The following NKPD1 variants were observed in gnomAD, a reference collection of about 807,000 sequenced individuals.
NKPD1 encodes NTPase KAP family P-loop domain containing 1.
In NKPD1, 37 loss-of-function variants were observed where a neutral mutation model predicts 42.2. The ratio of observed to expected loss-of-function variants is 0.88; its 90% CI spans 0.67 to 1.15. NKPD1 has a LOEUF of 1.15. Among genes scored for constraint, NKPD1 ranks in the 50% most tolerant of loss-of-function variants. The pLI, the probability that NKPD1 is intolerant of heterozygous loss-of-function variation, is 0.00. For synonymous variants in NKPD1, 552 were observed against 536.5 expected (o/e 1.03, Z -0.40); for missense variants, 1,113 against 1,174.6 (o/e 0.95, Z 0.77).
At position 45,158,803 on chromosome 19, in the gene NKPD1, G is replaced by A. The variant is rs376953735; in HGVS notation, c.389C>T (p.Pro130Leu). ...CCTGGCCATGGCTGGTGCCGTGGTGGGTAAGGTGGGCGCCTGAGGGGCGCT... is the reference window on the plus strand; with the variant it reads ...CCTGGCCATGGCTGGTGCCGTGGTGAGTAAGGTGGGCGCCTGAGGGGCGCT... ...PASAPQAPTL[P>L]TTAPAMARSG... Residue 130 changes from proline (P) to leucine (L), a missense_variant, in exon 3 of 5, where the codon CCC (proline) becomes CTC (leucine). Physicochemically the swap from Pro to Leu is moderately conservative, Grantham distance 98 (BLOSUM62 -3). This residue lies in a region of NKPD1 where 204 missense variants were observed against 227.8 expected (regional missense o/e 0.90). Coordinates refer to ENST00000686631, the MANE Select transcript of NKPD1 (RefSeq NM_198478.4). This position sits in a 1 kb window ranked among gnomAD's most constrained non-coding sequence, Gnocchi z 4.6. 61 of 1,266,468 alleles carry A rather than the reference G, an allele frequency of 4.8e-5. 1 individual carries two copies. In the African/African-American group the frequency reaches 8.9e-4, roughly 18 times the overall value. 78.5% of individuals were successfully genotyped at this position (1,266,468 alleles called of 1,614,324 possible). A position where few individuals can be genotyped will look rare whatever the true frequency, so the allele number is the denominator to read the frequency against.
chr19:45,161,722 AG>A (rs1969008795), upstream of NKPD1, among the ~76,000 whole-genome samples: 1 of 152,150 alleles, frequency 6.6e-6, no homozygotes, highest in Non-Finnish European at 1.5e-5. Context: ...ATGCCCTCTG[AG>A]GGGTGAGGGC....
At chr19:45,159,984 C>T in intron 2 of NKPD1, 76 bp downstream of exon 2, 3 of 817,240 alleles carry the variant, frequency 3.7e-6, no homozygotes, top group South Asian at 1.6e-5. Flanking sequence ...GACAGCTCCC[C>T]TTCTGTTCCT....
At position 45,153,080 on chromosome 19, in the gene NKPD1, G is replaced by T; in HGVS notation, c.1357C>A (p.Arg453Ser). 6.3e-7 allele frequency: 1 copy of T among 1,576,190 alleles called. No homozygotes were observed. The highest frequency in any genetic ancestry group is 8.6e-7 in the Non-Finnish European group (1 of 1,161,442). The change falls in exon 5 of 5, where the codon CGC (arginine) becomes AGC (serine). Residue 453 changes from arginine (R) to serine (S), a missense_variant. Around this residue, in one of 3 missense-constraint regions of NKPD1, gnomAD observed 867 missense variants for 870.1 expected, o/e 1.00. Coordinates refer to ENST00000686631, the MANE Select transcript of NKPD1 (RefSeq NM_198478.4). ...AGCCCGGTGACCTCCAGCACCACGCGCAGCCTGCGCCGCTGGTAGATCTCC... is the reference window on the plus strand; with the variant it reads ...AGCCCGGTGACCTCCAGCACCACGCTCAGCCTGCGCCGCTGGTAGATCTCC... ...FLEIYQRRRLRVVLEVTGLDT... is the reference protein window; with the variant it reads ...FLEIYQRRRLSVVLEVTGLDT...
rs573841874 is a variant in NKPD1, at chr19:45,158,796, C to G, written c.396G>C (p.Thr132=). The G allele has an allele frequency of 1.6e-6, 2 of 1,259,102 alleles. No homozygotes were observed. Among genetic ancestry groups the G allele is most frequent in the East Asian group, 1.2e-4 (2 of 17,142 alleles). The allele number at this position is 1,259,102 out of a possible 1,614,324, so 78.0% of individuals were successfully genotyped here. A position where few individuals can be genotyped will look rare whatever the true frequency, so the allele number is the denominator to read the frequency against. ...SAPQAPTLPT[T]APAMARSGPA... is the part of the protein sequence containing the mutation. Reference sequence around the variant, plus strand: ...GGCCACTCCTGGCCATGGCTGGTGCCGTGGTGGGTAAGGTGGGCGCCTGAG... The same window carrying G: ...GGCCACTCCTGGCCATGGCTGGTGCGGTGGTGGGTAAGGTGGGCGCCTGAG... Residue 132 remains threonine (T), a synonymous_variant, in exon 3 of 5, where the codon ACG becomes ACC. Coordinates refer to ENST00000686631, the MANE Select transcript of NKPD1 (RefSeq NM_198478.4). The surrounding 1 kb of genome is among the most constrained non-coding windows in gnomAD (Gnocchi z 4.6).
rs34991759 is a variant in NKPD1 at position 45,157,719 on chromosome 19, C to CTTTTTTT, written c.529+937_529+943dup. Among the ~76,000 whole-genome samples the CTTTTTTT allele has an allele frequency of 2.3e-4, 19 of 83,352 alleles. 2 individuals carry two copies. The highest frequency in any genetic ancestry group is 3.4e-4 in the Non-Finnish European group (15 of 44,368). The allele number at this position is 83,352 out of a possible 152,430, so 54.7% of individuals were successfully genotyped here. A position where few individuals can be genotyped will look rare whatever the true frequency, so the allele number is the denominator to read the frequency against. On this transcript the variant is annotated intron_variant, in intron 3 of 4. Coordinates refer to ENST00000686631, the MANE Select transcript of NKPD1 (RefSeq NM_198478.4). ...GCATGAGCCAGTGCGCCCAGACATA[C>CTTTTTTT]TTTTTTTTTTTTTTTTTTTTTTTGA...
Position 45,152,952 on chromosome 19 carries a change from G to A in NKPD1, c.1485C>T (p.Pro495=). The A allele has an allele frequency of 6.3e-7, 1 of 1,584,192 alleles. No individual in the cohort carries two copies. Among genetic ancestry groups the A allele is most frequent in the Non-Finnish European group, 8.6e-7 (1 of 1,164,168 alleles). The stretch of plus-strand genomic sequence containing the variant: ...TCTCTAGGCACGCGGCCAGGATGCT[G>A]GGGTCCACGACCAGGATGAAGATGA... ...APFIFILVVD[P]SILAACLESA... Residue 495 remains proline, a synonymous_variant, in exon 5 of 5, where the codon CCC becomes CCT. Transcript: ENST00000686631.
chr19:45,152,510 C>CCTGCTG lies in NKPD1; in HGVS notation c.1921_1926dup (p.Gln641_Gln642dup), dbSNP rs200529734. 4.5e-6 allele frequency: 7 copies of CCTGCTG among 1,568,194 alleles called. No individual in the cohort carries two copies. Among genetic ancestry groups the CCTGCTG allele is most frequent in the Middle Eastern group, 1.7e-4 (1 of 5,976 alleles). On this transcript the variant is annotated inframe_insertion, in exon 5 of 5. Transcript: ENST00000686631. ...CGCGGCGTGGGGCCCCCAAAGTCCC[C>CCTGCTG]CTGCTGCTGCTGCTGCTGCAGCAGG...
chr19:45,152,049 TGA>T lies in NKPD1; in HGVS notation c.2386_2387del (p.Ser796ArgfsTer58), dbSNP rs752338146. On this transcript the variant is annotated frameshift_variant, in exon 5 of 5. Transcript: ENST00000686631. LOFTEE classifies it low-confidence loss of function (END_TRUNC). ...ASRAPPSGRASGQAGEGHHTG... is the reference protein window; with the variant it reads ...ASRAPPSGRAXGQAGEGHHTG... Reference sequence around the variant, plus strand: ...TGTGGTGGCCTTCGCCGGCTTGCCCTGAGGCACGGCCCGACGGGGGCGCCCTG... The same window carrying T: ...TGTGGTGGCCTTCGCCGGCTTGCCCTGGCACGGCCCGACGGGGGCGCCCTG... 7.0e-5 allele frequency: 113 copies of T among 1,609,080 alleles called. No homozygotes were observed. The African/African-American group carries it at 1.4e-3, about 20-fold the overall frequency.
chr19:45,155,468 A>G (rs1443883217), intron 4 of NKPD1, among the ~76,000 whole-genome samples: 1 of 152,216 alleles, frequency 6.6e-6, no homozygotes, highest in African/African-American at 2.4e-5. Flanking sequence ...CTGCAGCCTC[A>G]ATAAAGAGCC....
chr19:45,158,972 C>G lies in NKPD1; in HGVS notation c.220G>C (p.Gly74Arg), dbSNP rs994102327. 8 of 1,300,614 alleles carry G rather than the reference C, an allele frequency of 6.2e-6. No homozygotes were observed. Among genetic ancestry groups the G allele is most frequent in the Non-Finnish European group, 6.1e-6 (6 of 988,064 alleles). The allele number at this position is 1,300,614 out of a possible 1,614,324, so 80.6% of individuals were successfully genotyped here. The change falls in exon 3 of 5, where the codon GGC (glycine) becomes CGC (arginine). Residue 74 changes from glycine (G) to arginine (R), a missense_variant. Gly to Arg is a moderately radical substitution (Grantham distance 125, BLOSUM62 -2). This residue lies in a region of NKPD1 where 204 missense variants were observed against 227.8 expected (regional missense o/e 0.90). Transcript: ENST00000686631. This position sits in a 1 kb window ranked among gnomAD's most constrained non-coding sequence, Gnocchi z 4.6. ...HQVGGSGWRR[G>R]LLPSVLQQQR... Reference sequence around the variant, plus strand: ...TGCTGCAGGACGGAGGGCAGGAGGCCCCGGCGCCAGCCACTGCCACCCACT... The same window carrying G: ...TGCTGCAGGACGGAGGGCAGGAGGCGCCGGCGCCAGCCACTGCCACCCACT...
chr19:45,153,240 C>T lies in NKPD1; in HGVS notation c.1197G>A (p.Val399=). 6.2e-7 allele frequency: 1 copy of T among 1,602,144 alleles called. No homozygotes were observed. Among genetic ancestry groups the T allele is most frequent in the Non-Finnish European group, 8.5e-7 (1 of 1,175,264 alleles). The change falls in exon 5 of 5, where the codon GTG becomes GTA. Residue 399 remains valine, a synonymous_variant. Transcript: ENST00000686631. The stretch of plus-strand genomic sequence containing the variant: ...GCTGGCTTACGAACAGGTGCTTGCC[C>T]ACCGAGTACACGGCCATGAGCAGCC... ...GSGLLMAVYS[V]GKHLFVSQRK...
chr19:45,153,868 C>T, intron 4 of NKPD1, 93 bp from the exon 5 acceptor site: 1 of 1,262,652 alleles, frequency 7.9e-7, no homozygotes, highest in Non-Finnish European at 1.0e-6. Context: ...CCTGGAGAGG[C>T]GAGGGGCGCC....
Position 45,153,553 on chromosome 19 carries a change from C to T in NKPD1, c.884G>A (p.Gly295Asp), listed in dbSNP as rs866039868. Residue 295 changes from glycine to aspartate, a missense_variant, in exon 5 of 5, where the codon GGC (glycine) becomes GAC (aspartate). By Grantham distance (94) the Gly-to-Asp change is moderately conservative (BLOSUM62 -1). Transcript: ENST00000686631. ...GCCCTCGCACAACGTGGTCACCAGG[C>T]CGGCCCACAGCTTGTCGGTGCCCGC... ...QYAGTDKLWA[G>D]LVTTLCEGIR... 1 of 1,552,102 alleles carries T rather than the reference C, an allele frequency of 6.4e-7. No homozygotes were observed. Among genetic ancestry groups the T allele is most frequent in the Non-Finnish European group, 8.7e-7 (1 of 1,145,938 alleles).
upstream of NKPD1, among the ~76,000 whole-genome samples, chr19:45,162,178 G>A (rs182341305): frequency 3.0e-4 from 45 of 152,250 alleles, no homozygotes; most frequent in African/African-American, 8.2e-4. Context: ...AGATTGCCCC[G>A]GGCTGGGAGC....
At position 45,151,367 on chromosome 19, in the gene NKPD1, G is replaced by A. The variant is rs187319433; in HGVS notation, c.*571C>T. On this transcript the variant is annotated 3_prime_UTR_variant, in exon 5 of 5. Coordinates refer to ENST00000686631, the MANE Select transcript of NKPD1 (RefSeq NM_198478.4). The stretch of plus-strand genomic sequence containing the variant: ...CACCCTAGGGGTGGAGCAGCTTGCT[G>A]AGGTCACCGAGGTCATCCTCAGAAA... 1 of 152,508 alleles carries A rather than the reference G, an allele frequency of 6.6e-6. No homozygotes were observed. Among genetic ancestry groups the A allele is most frequent in the East Asian group, 1.9e-4 (1 of 5,188 alleles). The allele number at this position is 152,508 out of a possible 1,614,324, so 9.4% of individuals were successfully genotyped here.
In NKPD1 at chr19:45,155,787, GTGATC is replaced by G; in HGVS notation, c.654_658del (p.Lys218AsnfsTer63). 7.7e-7 allele frequency: 1 copy of G among 1,303,304 alleles called. No homozygotes were observed. The highest frequency in any genetic ancestry group is 1.0e-6 in the Non-Finnish European group (1 of 987,244). The allele number at this position is 1,303,304 out of a possible 1,614,324, so 80.7% of individuals were successfully genotyped here. Reference sequence around the variant, plus strand: ...AACAAACACACACAGCTCCTCACCCGTGATCTTGTCCAGCATCATGTGCAGGCGGC... The same window carrying G: ...AACAAACACACACAGCTCCTCACCCGTTGTCCAGCATCATGTGCAGGCGGC... On this transcript the variant is annotated frameshift_variant, in exon 4 of 5. Coordinates refer to ENST00000686631, the MANE Select transcript of NKPD1 (RefSeq NM_198478.4). LOFTEE classifies it high-confidence loss of function.
rs574474062 is a variant in NKPD1, at chr19:45,155,312, G to A, written c.661+473C>T. 7.3e-5 allele frequency among the ~76,000 whole-genome samples: 11 copies of A among 151,208 alleles called. No homozygotes were observed. In the South Asian group the frequency reaches 1.3e-3, roughly 17 times the overall value. On this transcript the variant is annotated intron_variant, in intron 4 of 4. Coordinates refer to ENST00000686631, the MANE Select transcript of NKPD1 (RefSeq NM_198478.4). ...CAGCCTGGAGACAGAGCAAGATTCC[G>A]TCTCAAAAAAAAAAAGCTGCTGGGG...
At chr19:45,155,760 C>T (rs372843048) in intron 4 of NKPD1, 25 bp downstream of exon 4, 789 of 1,288,020 alleles carry the variant, frequency 6.1e-4, no homozygotes, top group Admixed American at 9.0e-4. Context: ...CATCCTCCCC[C>T]CAACAAACAC....
At chr19:45,162,433 C>CT (rs1328801601), upstream of NKPD1, among the ~76,000 whole-genome samples, 1 of 152,192 alleles carries the variant, frequency 6.6e-6, no homozygotes, top group Non-Finnish European at 1.5e-5. Context: ...AGCTCTGAGC[C>CT]TGGGGCACTT....
Sources: gnomAD v4.1 joint callset for allele counts (sites outside exome capture counted in the v4.1 genomes callset) on GRCh38, gnomAD v4.1.1 for gene constraint, gnomAD v4.1.1 regional missense constraint, Gnocchi (gnomAD v3.1) non-coding constraint, MANE v1.5 for transcripts, NCBI Gene and HGNC (gene_info 2026-07-23, HGNC 2026-07-21) for gene names.